NFIC: variants seen among roughly 807,000 people sequenced by gnomAD.
NFIC encodes the protein nuclear factor 1 C-type.
NFIC carries 12 observed loss-of-function variants against 54.4 expected under a neutral mutation model. The observed-to-expected ratio is 0.22, with a 90% confidence interval of 0.14 to 0.36. The LOEUF (loss-of-function observed/expected upper bound fraction) is 0.36, where lower values mean the gene tolerates loss of function less well. Among genes scored for constraint, NFIC ranks in the 10% least tolerant of loss-of-function variants. The pLI is 1.00. For synonymous variants in NFIC, 322 were observed against 319.2 expected (o/e 1.01, Z -0.09); for missense variants, 575 against 718.2 (o/e 0.80, Z 2.28).
intron 9 of NFIC, among the ~76,000 whole-genome samples, chr19:3,455,928 C>T (rs991135805): frequency 1.3e-5 from 2 of 152,160 alleles, no homozygotes; most frequent in Non-Finnish European, 2.9e-5. Context: ...CCTCCAGCTC[C>T]CCCCAACCCC....
rs1158993291 is a variant in NFIC, at chr19:3,449,521, AGGC to A, written c.1084+383_1084+385del. 4.6e-5 allele frequency among the ~76,000 whole-genome samples: 7 copies of A among 152,220 alleles called. No individual in the cohort carries two copies. The East Asian group carries it at 1.4e-3, about 29-fold the overall frequency. On this transcript the variant is annotated intron_variant, in intron 7 of 10. Transcript: ENST00000443272. ...ACACCTGTAATCCCGGCACTTTGGG[AGGC>A]TGAGGCGGGTGGATCATCTGAGGTC...
rs1020560445 is a variant in NFIC, at chr19:3,375,282, T to C, written c.31-6430T>C. Among the ~76,000 whole-genome samples the C allele has an allele frequency of 5.9e-5, 9 of 152,008 alleles. No individual in the cohort carries two copies. Among genetic ancestry groups the C allele is most frequent in the African/African-American group, 2.2e-4 (9 of 41,464 alleles). On this transcript the variant is annotated intron_variant, in intron 1 of 10. Coordinates refer to ENST00000443272, the MANE Select transcript of NFIC (RefSeq NM_001245002.2). This position sits in a 1 kb window ranked among gnomAD's most constrained non-coding sequence, Gnocchi z 4.6. ...AGCCACGGCCCCAGCTGGACAACAT[T>C]GTCCGGGCCTCCTGCCCGCCTGGCA...
intron 2 of NFIC, 150 bp downstream of exon 2, chr19:3,382,393 TG>T (rs67398944): frequency 0.1 from 111,516 of 1,114,970 alleles, 6,661 homozygotes; most frequent in South Asian, 0.15. Flanking sequence ...GAGTGCCCAA[TG>T]GGGGCGACAC....
intron 10 of NFIC, among the ~76,000 whole-genome samples, chr19:3,457,168 G>A (rs1023681487): frequency 6.6e-6 from 1 of 152,206 alleles, no homozygotes; most frequent in Non-Finnish European, 1.5e-5. Flanking sequence ...GCCAGTGTGA[G>A]GAGTCAGGGC....
intron 1 of NFIC, among the ~76,000 whole-genome samples, chr19:3,360,345 G>T (rs2080794621): frequency 6.7e-6 from 1 of 149,878 alleles, no homozygotes; most frequent in African/African-American, 2.4e-5. Context: ...CAGACCCCCG[G>T]CCCCGCTGCC....
chr19:3,465,361 A>G lies in NFIC; in HGVS notation c.*2592A>G, dbSNP rs2082703376. ...ACAAAACAGTGACATGAAATAAAAA[A>G]TAAAAATTGAAAAGGGATGTATTTC... is the stretch of plus-strand genomic sequence containing the variant. On this transcript the variant is annotated 3_prime_UTR_variant, in exon 11 of 11. Coordinates refer to ENST00000443272, the MANE Select transcript of NFIC (RefSeq NM_001245002.2). The G allele has an allele frequency of 6.6e-6, 1 of 150,506 alleles. No homozygotes were observed. The allele number at this position is 150,506 out of a possible 1,614,324, so 9.3% of individuals were successfully genotyped here.
In NFIC at chr19:3,462,845, C is replaced by T. The variant is rs960822053; in HGVS notation, c.*76C>T. The T allele has an allele frequency of 3.7e-6, 6 of 1,608,840 alleles. No individual in the cohort carries two copies. Among genetic ancestry groups the T allele is most frequent in the Non-Finnish European group, 5.1e-6 (6 of 1,178,642 alleles). On this transcript the variant is annotated 3_prime_UTR_variant, in exon 11 of 11. Coordinates refer to ENST00000443272, the MANE Select transcript of NFIC (RefSeq NM_001245002.2). ...GGCAGCACAGCCGGCCCCCGGCCCA[C>T]GTTTTCGGTGGAAAATTAGAGTGAA... is the stretch of plus-strand genomic sequence containing the variant.
upstream of NFIC, chr19:3,366,469 G>A: frequency 2.0e-6 from 1 of 511,504 alleles, no homozygotes. Flanking sequence ...GAGAGAGGGA[G>A]AGCAGGAGGG....
Position 3,370,657 on chromosome 19 carries a change from C to A in NFIC, c.30+3991C>A, listed in dbSNP as rs1169770602. On this transcript the variant is annotated intron_variant, in intron 1 of 10. Transcript: ENST00000443272. The surrounding 1 kb of genome is among the most constrained non-coding windows in gnomAD (Gnocchi z 5.2). ...CTCTCTTCTCTCTCTCTTTCTCCCT[C>A]CCTACCTCCCTCTCTGTTCCTCTTC... is the stretch of plus-strand genomic sequence containing the variant. 6.7e-6 allele frequency among the ~76,000 whole-genome samples: 1 copy of A among 149,228 alleles called. No individual in the cohort carries two copies. The highest frequency in any genetic ancestry group is 1.5e-5 in the Non-Finnish European group (1 of 67,086).
At chr19:3,413,480 T>C (rs748944702) in intron 2 of NFIC, among the ~76,000 whole-genome samples, 4 of 152,124 alleles carry the variant, frequency 2.6e-5, no homozygotes, top group Non-Finnish European at 4.4e-5. Context: ...TTTGAAGCCA[T>C]TGCTGTCTAG....
intron 2 of NFIC, among the ~76,000 whole-genome samples, chr19:3,401,990 A>G (rs1376517069): frequency 2.6e-5 from 4 of 151,856 alleles, no homozygotes; most frequent in African/African-American, 9.7e-5. Context: ...CCAAAGTTCT[A>G]GGATTACAGG....
At chr19:3,379,037 C>A (rs2081153879) in intron 1 of NFIC, among the ~76,000 whole-genome samples, 1 of 152,038 alleles carries the variant, frequency 6.6e-6, no homozygotes, top group Non-Finnish European at 1.5e-5. Context: ...TAGGAACAAG[C>A]TTTCGTAGTC....
In NFIC at chr19:3,370,324, G is replaced by A. The variant is rs1294920202; in HGVS notation, c.30+3658G>A. On this transcript the variant is annotated intron_variant, in intron 1 of 10. Transcript: ENST00000443272. The surrounding 1 kb of genome is among the most constrained non-coding windows in gnomAD (Gnocchi z 5.2). ...TGGCCTCTGATTCACTCTCTACAAG[G>A]CTCCACCACTCTCCCGCTGTATCTC... is the stretch of plus-strand genomic sequence containing the variant. Among the ~76,000 whole-genome samples the A allele has an allele frequency of 2.0e-5, 3 of 151,938 alleles. No individual in the cohort carries two copies. Among genetic ancestry groups the A allele is most frequent in the South Asian group, 4.1e-4 (2 of 4,828 alleles).
chr19:3,468,798 C>T lies in NFIC; in HGVS notation c.*6029C>T, dbSNP rs1042072810. 6.6e-6 allele frequency: 1 copy of T among 152,096 alleles called. No individual in the cohort carries two copies. Among genetic ancestry groups the T allele is most frequent in the African/African-American group, 2.4e-5 (1 of 41,386 alleles). The allele number at this position is 152,096 out of a possible 1,614,324, so 9.4% of individuals were successfully genotyped here. ...TTTCTGCTTACCGCACACTGGATAA[C>T]ACACACATACACACCCACAAAAATG... On this transcript the variant is annotated 3_prime_UTR_variant, in exon 11 of 11. Transcript: ENST00000443272.
At chr19:3,424,436 G>A (rs566514037) in intron 2 of NFIC, among the ~76,000 whole-genome samples, 2 of 152,222 alleles carry the variant, frequency 1.3e-5, no homozygotes, top group African/African-American at 2.4e-5. Context: ...GACTGCAGTG[G>A]TGCAATCCTG....
Position 3,458,908 on chromosome 19 carries a change from G to C in NFIC, c.1509+2273G>C, listed in dbSNP as rs1400414544. Among the ~76,000 whole-genome samples the C allele has an allele frequency of 6.6e-6, 1 of 152,088 alleles. No individual in the cohort carries two copies. Among genetic ancestry groups the C allele is most frequent in the Non-Finnish European group, 1.5e-5 (1 of 67,980 alleles). ...AGGGGGAAGGCGAGGTCCCCAAACT[G>C]GGCATCCAGGGAGCACAGGTCTGGG... On this transcript the variant is annotated intron_variant, in intron 10 of 10. Coordinates refer to ENST00000443272, the MANE Select transcript of NFIC (RefSeq NM_001245002.2). The surrounding 1 kb of genome is among the most constrained non-coding windows in gnomAD (Gnocchi z 4.1).
At position 3,452,101 on chromosome 19, in the gene NFIC, C is replaced by CAA. The variant is rs777727186; in HGVS notation, c.1085-360_1085-359dup. Among the ~76,000 whole-genome samples the CAA allele has an allele frequency of 0.02, 1,093 of 54,082 alleles. 31 individuals carry two copies. The highest frequency in any genetic ancestry group is 0.055 in the African/African-American group (984 of 17,842). The allele number at this position is 54,082 out of a possible 152,430, so 35.5% of individuals were successfully genotyped here. On this transcript the variant is annotated intron_variant, in intron 7 of 10. Transcript: ENST00000443272. The surrounding 1 kb of genome is among the most constrained non-coding windows in gnomAD (Gnocchi z 5.3). The stretch of plus-strand genomic sequence containing the variant: ...TGCACTCCAGCCTGGGTGACTGTCT[C>CAA]AAAAAAAAAAAAAAAAAAAAAAGAC...
intron 2 of NFIC, among the ~76,000 whole-genome samples, chr19:3,391,458 C>G (rs2081375298): frequency 6.6e-6 from 1 of 151,786 alleles, no homozygotes. Flanking sequence ...CGAGACCAGC[C>G]CAGCCAACAT....
At chr19:3,444,129 G>A (rs975280697) in intron 6 of NFIC, among the ~76,000 whole-genome samples, 1 of 139,312 alleles carries the variant, frequency 7.2e-6, no homozygotes, top group East Asian at 1.9e-4. Context: ...TCAGATGGGC[G>A]TGTGTGACAA....
Sources: gnomAD v4.1 joint callset for allele counts (sites outside exome capture counted in the v4.1 genomes callset) on GRCh38, gnomAD v4.1.1 for gene constraint, Gnocchi (gnomAD v3.1) non-coding constraint, MANE v1.5 for transcripts, NCBI Gene and HGNC (gene_info 2026-07-23, HGNC 2026-07-21) for gene names.